Variants in THADA observed in about 807,000 individuals in gnomAD.
THADA encodes the protein THADA armadillo repeat containing, also known as tRNA (32-2'-O)-methyltransferase regulator THADA.
Under a neutral mutation model 219.8 loss-of-function variants are expected in THADA, and 213 were observed. That is an observed-to-expected ratio of 0.97 (90% CI 0.87 to 1.09). The LOEUF is 1.09. THADA is among the 50% of genes least tolerant of loss of function. The pLI is 0.00. For synonymous variants in THADA, 1,018 were observed against 828.9 expected (o/e 1.23, Z -3.92); for missense variants, 2,956 against 2,311.3 (o/e 1.28, Z -5.72).
chr2:43,381,436 C>A (rs1345649050), intron 29 of THADA, among the ~76,000 whole-genome samples: 2 of 152,082 alleles, frequency 1.3e-5, no homozygotes, highest in Non-Finnish European at 2.9e-5. Flanking sequence ...CTCCCAAGCC[C>A]CTGAGTGTGG....
intron 1 of THADA, chr2:43,592,758 T>G: frequency 6.0e-6 from 1 of 165,580 alleles, no homozygotes; most frequent in East Asian, 1.7e-4. Context: ...CTTTGTATTT[T>G]AAAATACAGC....
chr2:43,338,572 G>A (rs77133627), intron 30 of THADA, among the ~76,000 whole-genome samples: 8,838 of 152,172 alleles, frequency 0.058, 349 homozygotes, highest in South Asian at 0.17. Flanking sequence ...TCTAGGTCTT[G>A]ACTACTCTAT....
chr2:43,328,672 T>C (rs1679614234), intron 30 of THADA, among the ~76,000 whole-genome samples: 1 of 152,186 alleles, frequency 6.6e-6, no homozygotes, highest in Non-Finnish European at 1.5e-5. Flanking sequence ...GTTTGGATCC[T>C]GGGGAATGTA....
Position 43,279,906 on chromosome 2 carries a change from C to A in THADA, c.5165-10G>T. On this transcript the variant is annotated splice_polypyrimidine_tract_variant and intron_variant, in intron 35 of 37. Transcript: ENST00000405975. ...AGTGTATCCTGCAACTCTAAGAAGA[C>A]CAAAAGGAATCTGAATTACCTAGAA... 6.6e-7 allele frequency: 1 copy of A among 1,504,812 alleles called. No individual in the cohort carries two copies. The highest frequency in any genetic ancestry group is 8.8e-7 in the Non-Finnish European group (1 of 1,132,860). The allele number at this position is 1,504,812 out of a possible 1,614,324, so 93.2% of individuals were successfully genotyped here.
intron 26 of THADA, among the ~76,000 whole-genome samples, chr2:43,440,548 C>T (rs796417199): frequency 2.0e-5 from 3 of 152,290 alleles, no homozygotes; most frequent in African/African-American, 7.2e-5. Flanking sequence ...CTGTTAATGT[C>T]CTTTCCTTGG....
At chr2:43,482,382 A>T (rs755108201) in intron 26 of THADA, among the ~76,000 whole-genome samples, 2 of 152,176 alleles carry the variant, frequency 1.3e-5, no homozygotes, top group Non-Finnish European at 2.9e-5. Flanking sequence ...GTACTATGCG[A>T]CAGGGACTGT....
At chr2:43,251,040 A>G (rs1204212226) in intron 36 of THADA, among the ~76,000 whole-genome samples, 1 of 152,218 alleles carries the variant, frequency 6.6e-6, no homozygotes, top group East Asian at 1.9e-4. Context: ...CTGGGCTCAC[A>G]CAAGGACAAG....
intron 21 of THADA, among the ~76,000 whole-genome samples, chr2:43,531,239 C>T (rs1428786984): frequency 2.0e-5 from 3 of 152,202 alleles, no homozygotes; most frequent in Non-Finnish European, 4.4e-5. Context: ...ACATCCAGAA[C>T]TTGAACAGGC....
At chr2:43,436,261 G>C (rs576252231) in intron 26 of THADA, among the ~76,000 whole-genome samples, 66 of 152,318 alleles carry the variant, frequency 4.3e-4, no homozygotes, top group Non-Finnish European at 8.1e-4. Context: ...GAAGTAGAGA[G>C]AATAACCTTG....
intron 24 of THADA, among the ~76,000 whole-genome samples, chr2:43,500,442 G>A (rs373021024): frequency 1.3e-5 from 2 of 152,142 alleles, no homozygotes; most frequent in African/African-American, 2.4e-5. Flanking sequence ...AGACAGGACA[G>A]GCACAGCACA....
chr2:43,422,666 T>G (rs941115284), intron 28 of THADA, among the ~76,000 whole-genome samples: 4 of 152,230 alleles, frequency 2.6e-5, no homozygotes, highest in Non-Finnish European at 4.4e-5. Flanking sequence ...ATCAGAATGA[T>G]ATATATCTCT....
intron 29 of THADA, among the ~76,000 whole-genome samples, chr2:43,371,576 GA>G (rs939265802): frequency 2.6e-5 from 4 of 151,488 alleles, no homozygotes; most frequent in Admixed American, 6.6e-5. Context: ...TAAAGACAAA[GA>G]AAAAAAACAA....
intron 31 of THADA, among the ~76,000 whole-genome samples, chr2:43,313,451 T>G (rs1677734547): frequency 6.6e-6 from 1 of 152,208 alleles, no homozygotes; most frequent in African/African-American, 2.4e-5. Context: ...AGTGATGAGA[T>G]CTGAACTATA....
chr2:43,258,875 C>A (rs1006589112), intron 36 of THADA, among the ~76,000 whole-genome samples: 1 of 152,144 alleles, frequency 6.6e-6, no homozygotes, highest in Non-Finnish European at 1.5e-5. Flanking sequence ...GCCCCCTCCC[C>A]CTGCCAAAAA....
chr2:43,591,253 G>A (rs995268712), intron 3 of THADA, among the ~76,000 whole-genome samples: 11 of 152,080 alleles, frequency 7.2e-5, no homozygotes, highest in African/African-American at 2.7e-4. Flanking sequence ...GAGCCCAGGA[G>A]GTTGAGGCTG....
chr2:43,447,912 T>C (rs1573697738), intron 26 of THADA, among the ~76,000 whole-genome samples: 1 of 151,882 alleles, frequency 6.6e-6, no homozygotes, highest in East Asian at 1.9e-4. Context: ...ATTCTGTTTT[T>C]ATATATATAT....
rs188056909 is a variant in THADA at position 43,577,112 on chromosome 2, G to A, written c.947C>T (p.Ala316Val). ...GCTTCCGTTCTGCCAGTCCAACATG[G>A]CAAGTGTCCCCTGACAGAGGAATAA... ...AVLFLCQGTL[A>V]MLDWQNGSMG... The change falls in exon 10 of 38, where the codon GCC becomes GTC. Residue 316 changes from alanine (A) to valine (V), a missense_variant. By Grantham distance (64) the Ala-to-Val change is moderately conservative (BLOSUM62 0). Coordinates refer to ENST00000405975, the MANE Select transcript of THADA (RefSeq NM_022065.5). 162 of 1,613,168 alleles carry A rather than the reference G, an allele frequency of 1.0e-4. No individual in the cohort carries two copies. In the African/African-American group the frequency reaches 1.8e-3, roughly 18 times the overall value.
At chr2:43,467,827 T>G (rs959497514) in intron 26 of THADA, among the ~76,000 whole-genome samples, 3 of 152,140 alleles carry the variant, frequency 2.0e-5, no homozygotes, top group Non-Finnish European at 4.4e-5. Flanking sequence ...CACTCTTCTG[T>G]CACTAATGGA....
Position 43,280,873 on chromosome 2 carries a change from A to G in THADA, c.5165-977T>C, listed in dbSNP as rs964120730. On this transcript the variant is annotated intron_variant, in intron 35 of 37. Coordinates refer to ENST00000405975, the MANE Select transcript of THADA (RefSeq NM_022065.5). Reference sequence around the variant, plus strand: ...ATAAAGTCAAAAACACAAAGCAATGAGTTGTGAAGAACAAAATTGTGTGGC... The same window carrying G: ...ATAAAGTCAAAAACACAAAGCAATGGGTTGTGAAGAACAAAATTGTGTGGC... 2.6e-5 allele frequency among the ~76,000 whole-genome samples: 4 copies of G among 152,376 alleles called. No individual in the cohort carries two copies. The East Asian group carries it at 5.8e-4, about 22-fold the overall frequency.
Sources: allele counts gnomAD v4.1 joint callset (sites outside exome capture counted in the v4.1 genomes callset), GRCh38; gene constraint gnomAD v4.1.1; transcripts MANE v1.5; gene names NCBI Gene and HGNC (gene_info 2026-07-23, HGNC 2026-07-21).